The following CACNA2D3 variants were observed in gnomAD, a reference collection of about 807,000 sequenced individuals.
The protein encoded by CACNA2D3 is voltage-dependent calcium channel subunit alpha-2/delta-3.
Under a neutral mutation model 160.6 loss-of-function variants are expected in CACNA2D3, and 60 were observed. The observed-to-expected ratio is 0.37, with a 90% CI of 0.30 to 0.46. The LOEUF (loss-of-function observed/expected upper bound fraction) is 0.46, where lower values mean the gene tolerates loss of function less well. Ranked by LOEUF, CACNA2D3 falls within the 20% of genes least tolerant of loss-of-function variation. The pLI is 1.00. For missense variants in CACNA2D3, 1,205 were observed against 1,365.0 expected, an observed-to-expected ratio of 0.88 and a Z score of 1.85; for synonymous variants, 558 against 492.9, an observed-to-expected ratio of 1.13 and a Z score of -1.75.
intron 2 of CACNA2D3, among the ~76,000 whole-genome samples, chr3:54,309,217 C>T (rs189534382): frequency 2.6e-5 from 4 of 152,276 alleles, no homozygotes; most frequent in Non-Finnish European, 5.9e-5. Context: ...GATTAATTCC[C>T]CAGGTTTAAA....
chr3:54,833,736 C>T (rs1347461711), intron 14 of CACNA2D3, among the ~76,000 whole-genome samples: 1 of 152,116 alleles, frequency 6.6e-6, no homozygotes, highest in South Asian at 2.1e-4. Flanking sequence ...AGAGTCCAGA[C>T]CTGTGGGGAC....
At chr3:54,463,950 G>A (rs904925724) in intron 4 of CACNA2D3, among the ~76,000 whole-genome samples, 33 of 151,358 alleles carry the variant, frequency 2.2e-4, no homozygotes, top group African/African-American at 7.5e-4. Context: ...TGGGATTTTG[G>A]TGTGGATGTC....
rs1348350274 is a variant in CACNA2D3 at position 55,067,624 on chromosome 3, T to C, written c.2988-5821T>C. Among the ~76,000 whole-genome samples the C allele has an allele frequency of 1.3e-5, 2 of 152,186 alleles. 1 individual carries two copies. Among genetic ancestry groups the C allele is most frequent in the Admixed American group, 1.3e-4 (2 of 15,284 alleles). On this transcript the variant is annotated intron_variant, in intron 35 of 37. Coordinates refer to ENST00000474759, the MANE Select transcript of CACNA2D3 (RefSeq NM_018398.3). ...TGGAGTTCAAGTGTCCCTTGACAGT[T>C]ACTCCCTGTCACAGTCCTTTCTTCA... is the stretch of plus-strand genomic sequence containing the variant.
At chr3:55,029,496 C>T (rs1368251228) in intron 35 of CACNA2D3, among the ~76,000 whole-genome samples, 4 of 152,156 alleles carry the variant, frequency 2.6e-5, no homozygotes, top group South Asian at 4.1e-4. Flanking sequence ...GCAGGAAAAC[C>T]ACAGGACTCC....
chr3:55,064,230 G>A (rs1439217396), intron 35 of CACNA2D3, among the ~76,000 whole-genome samples: 1 of 152,230 alleles, frequency 6.6e-6, no homozygotes, highest in Non-Finnish European at 1.5e-5. Flanking sequence ...ATGGGGCACA[G>A]CCAGTCTACA....
rs1022017587 is a variant in CACNA2D3, at chr3:54,725,393, A to G, written c.1168-27206A>G. Among the ~76,000 whole-genome samples the G allele has an allele frequency of 5.9e-5, 9 of 152,288 alleles. No individual in the cohort carries two copies. The East Asian group carries it at 1.7e-3, about 29-fold the overall frequency. On this transcript the variant is annotated intron_variant, in intron 11 of 37. Transcript: ENST00000474759. ...ATTCCAATCAATAGAAAAAGAGGGA[A>G]TCCTCCCTAACTCATTTTATGAGGC... is the stretch of plus-strand genomic sequence containing the variant.
At chr3:54,134,107 A>C (rs970454507) in intron 2 of CACNA2D3, among the ~76,000 whole-genome samples, 1 of 152,124 alleles carries the variant, frequency 6.6e-6, no homozygotes, top group African/African-American at 2.4e-5. Context: ...ATAAAGCCAC[A>C]GTTCTGTTTT....
chr3:54,338,028 C>A (rs988242997), intron 3 of CACNA2D3, among the ~76,000 whole-genome samples: 1 of 152,200 alleles, frequency 6.6e-6, no homozygotes, highest in Non-Finnish European at 1.5e-5. Flanking sequence ...GTTGGCAGGG[C>A]TGTGTGAGTG....
intron 35 of CACNA2D3, among the ~76,000 whole-genome samples, chr3:55,037,496 T>A (rs1703848415): frequency 6.6e-6 from 1 of 152,124 alleles, no homozygotes. Context: ...CCTAGGGTCT[T>A]GGAGAAAGCA....
chr3:54,618,374 T>TATATATATATATATAC, intron 9 of CACNA2D3, among the ~76,000 whole-genome samples: 3 of 54,586 alleles, frequency 5.5e-5, no homozygotes, highest in African/African-American at 1.1e-4. Context: ...TATATATATA[T>TATATATATATATATAC]GCACACACAC....
intron 2 of CACNA2D3, among the ~76,000 whole-genome samples, chr3:54,225,203 G>A (rs1270073966): frequency 6.6e-6 from 1 of 151,988 alleles, no homozygotes; most frequent in Non-Finnish European, 1.5e-5. Context: ...AAGATGCGGT[G>A]TTTGGTTTTT....
chr3:54,326,064 A>G (rs566237877), intron 3 of CACNA2D3, among the ~76,000 whole-genome samples: 1 of 152,334 alleles, frequency 6.6e-6, no homozygotes, highest in African/African-American at 2.4e-5. Flanking sequence ...TACTGTGGAA[A>G]GTAATTGCTG....
intron 13 of CACNA2D3, among the ~76,000 whole-genome samples, chr3:54,769,940 A>G (rs918097115): frequency 1.3e-5 from 2 of 152,274 alleles, no homozygotes; most frequent in East Asian, 3.9e-4. Context: ...CAGTGTCCCC[A>G]GAAAACACTG....
At chr3:54,181,389 C>T (rs944508258) in intron 2 of CACNA2D3, among the ~76,000 whole-genome samples, 11 of 152,142 alleles carry the variant, frequency 7.2e-5, no homozygotes, top group African/African-American at 2.7e-4. Flanking sequence ...TGAACATTGG[C>T]TACTTACAAA....
At chr3:54,463,419 C>T (rs576458574) in intron 4 of CACNA2D3, among the ~76,000 whole-genome samples, 119 of 150,534 alleles carry the variant, frequency 7.9e-4, no homozygotes, top group African/African-American at 2.6e-3. Flanking sequence ...ACAGCAATCA[C>T]GTAGATTTGG....
chr3:54,716,600 G>A (rs1162941466), intron 11 of CACNA2D3, among the ~76,000 whole-genome samples: 1 of 152,138 alleles, frequency 6.6e-6, no homozygotes, highest in Non-Finnish European at 1.5e-5. Context: ...GAGGATTTCT[G>A]GTCTCCTCCT....
chr3:54,844,847 G>C (rs1036287007), intron 16 of CACNA2D3, among the ~76,000 whole-genome samples: 9 of 152,182 alleles, frequency 5.9e-5, no homozygotes, highest in African/African-American at 2.2e-4. Context: ...GAATACATGA[G>C]CTGACTATAA....
chr3:54,875,268 T>C (rs1397640323), intron 18 of CACNA2D3: 2 of 150,894 alleles, frequency 1.3e-5, no homozygotes, highest in African/African-American at 2.4e-5. Context: ...AACTGACACA[T>C]AGGGGAGGAG....
intron 2 of CACNA2D3, among the ~76,000 whole-genome samples, chr3:54,215,215 C>T (rs544900981): frequency 6.6e-6 from 1 of 152,146 alleles, no homozygotes; most frequent in Non-Finnish European, 1.5e-5. Context: ...GTATAATTTA[C>T]AAAATTGTAT....
Sources: allele counts gnomAD v4.1 joint callset (sites outside exome capture counted in the v4.1 genomes callset), GRCh38; gene constraint gnomAD v4.1.1; transcripts MANE v1.5; gene names NCBI Gene and HGNC (gene_info 2026-07-23, HGNC 2026-07-21).